FBLN1: variants seen among roughly 807,000 people sequenced by gnomAD.
FBLN1 encodes fibulin 1.
Under a neutral mutation model 89.7 loss-of-function variants are expected in FBLN1, and 34 were observed. The observed-to-expected ratio is 0.38, with a 90% confidence interval of 0.29 to 0.50. FBLN1 has a LOEUF of 0.50. FBLN1 is among the 20% of genes least tolerant of loss of function. The pLI is 0.92. For synonymous variants in FBLN1, 393 were observed against 391.3 expected, an observed-to-expected ratio of 1.00 and a Z score of -0.05; for missense variants, 777 against 988.1, an observed-to-expected ratio of 0.79 and a Z score of 2.86.
chr22:45,544,902 G>T (rs1431470867), intron 11 of FBLN1, among the ~76,000 whole-genome samples: 2 of 152,176 alleles, frequency 1.3e-5, no homozygotes, highest in African/African-American at 4.8e-5. Context: ...CTTGTATACG[G>T]ATTAGGTTCT....
chr22:45,541,204 T>C lies in FBLN1; in HGVS notation c.923-25T>C, dbSNP rs755931551. ...GGGACACCCTCCAGGTTTAACCACA[T>C]GGTCTCTGTCTTTTCCCGCTGTAGA... On this transcript the variant is annotated intron_variant, in intron 8 of 16. Coordinates refer to ENST00000327858, the MANE Select transcript of FBLN1 (RefSeq NM_006486.3). 2.5e-6 allele frequency: 4 copies of C among 1,614,078 alleles called. No individual in the cohort carries two copies. The African/African-American group carries it at 4.0e-5, about 16-fold the overall frequency.
chr22:45,507,985 A>T (rs1028499698), intron 1 of FBLN1, among the ~76,000 whole-genome samples: 1 of 152,192 alleles, frequency 6.6e-6, no homozygotes, highest in Non-Finnish European at 1.5e-5. Context: ...TGATAGGTTG[A>T]GGATGGAAAT....
In FBLN1 at chr22:45,533,070, G is replaced by A. The variant is rs200146070; in HGVS notation, c.552G>A (p.Gly184=). Reference sequence around the variant, plus strand: ...TGCACGCTGTGCTTCCAGGAGGCGGGCCCTGCAAGCAGCAGTGCCGAGACA... The same window carrying A: ...TGCACGCTGTGCTTCCAGGAGGCGGACCCTGCAAGCAGCAGTGCCGAGACA... ...PYLNDRCRGG[G]PCKQQCRDTG... Residue 184 remains glycine, a synonymous_variant, in exon 6 of 17, where the codon GGG becomes GGA. Coordinates refer to ENST00000327858, the MANE Select transcript of FBLN1 (RefSeq NM_006486.3). 1.7e-5 allele frequency: 28 copies of A among 1,614,044 alleles called. No individual in the cohort carries two copies.
In FBLN1 at chr22:45,503,076, C is replaced by T. The variant is rs1360673146; in HGVS notation, c.79+12C>T. On this transcript the variant is annotated intron_variant, in intron 1 of 16. Transcript: ENST00000327858. ...GCTGGCGGCCGGAGGTAGGGGCGTC[C>T]CGGGTCCGCCGCCCCAGCTTAGGGT... The T allele has an allele frequency of 4.9e-6, 6 of 1,233,504 alleles. No individual in the cohort carries two copies. Among genetic ancestry groups the T allele is most frequent in the Non-Finnish European group, 6.1e-6 (6 of 988,038 alleles). 76.4% of individuals were successfully genotyped at this position (1,233,504 alleles called of 1,614,324 possible).
At chr22:45,591,737 CCG>C (rs1163473906) in intron 16 of FBLN1, among the ~76,000 whole-genome samples, 1 of 152,078 alleles carries the variant, frequency 6.6e-6, no homozygotes, top group African/African-American at 2.4e-5. Context: ...GCTGTTTTTG[CCG>C]TGTGTTTATG....
At chr22:45,594,641 G>A (rs1379387103) in intron 16 of FBLN1, among the ~76,000 whole-genome samples, 1 of 152,062 alleles carries the variant, frequency 6.6e-6, no homozygotes, top group African/African-American at 2.4e-5. Context: ...TTGATTGGTG[G>A]GTGAATGGAT....
chr22:45,560,161 A>G (rs901487133), intron 14 of FBLN1, among the ~76,000 whole-genome samples: 1 of 152,182 alleles, frequency 6.6e-6, no homozygotes, highest in Non-Finnish European at 1.5e-5. Flanking sequence ...TCCATTACAG[A>G]AGCTACACCC....
At chr22:45,554,990 G>A (rs114839654) in intron 14 of FBLN1, among the ~76,000 whole-genome samples, 1,756 of 148,830 alleles carry the variant, frequency 0.012, 28 homozygotes, top group South Asian at 0.041. Flanking sequence ...ACCCGTCCCC[G>A]TCTCCACCAC....
intron 3 of FBLN1, 93 bp from the exon 4 acceptor site, chr22:45,527,754 G>A (rs2088348618): frequency 1.5e-6 from 2 of 1,315,532 alleles, no homozygotes; most frequent in Non-Finnish European, 2.2e-6. Context: ...TGTGTGGACA[G>A]GGGGCTCAGA....
intron 16 of FBLN1, among the ~76,000 whole-genome samples, chr22:45,585,187 G>A (rs2146656256): frequency 6.6e-6 from 1 of 152,318 alleles, no homozygotes; most frequent in South Asian, 2.1e-4. Context: ...AATCTAGGCA[G>A]CACCATCCAC....
rs1255752183 is a variant in FBLN1, at chr22:45,556,879, A to G, written c.1697+6264A>G. On this transcript the variant is annotated intron_variant, in intron 14 of 16. Coordinates refer to ENST00000327858, the MANE Select transcript of FBLN1 (RefSeq NM_006486.3). The surrounding 1 kb of genome is among the most constrained non-coding windows in gnomAD (Gnocchi z 4.6). ...CAGGAAGCAAAAATTTTGCTAGTGG[A>G]TCACTAGGGGTGATGGTGAGTGGTG... 6.6e-6 allele frequency among the ~76,000 whole-genome samples: 1 copy of G among 152,152 alleles called. No homozygotes were observed. Among genetic ancestry groups the G allele is most frequent in the Non-Finnish European group, 1.5e-5 (1 of 68,016 alleles).
chr22:45,550,601 C>T lies in FBLN1; in HGVS notation c.1683C>T (p.Arg561=). Residue 561 remains arginine, a synonymous_variant, in exon 14 of 17, where the codon CGC becomes CGT. Transcript: ENST00000327858. This position sits in a 1 kb window ranked among gnomAD's most constrained non-coding sequence, Gnocchi z 8.4. ...CCTTCGAGTGCCCTGAGAACTACCG[C>T]CGCTCCGCAGCCACGTAAGTCCCTT... ...CLAFECPENY[R]RSAATLQQEK... 1 of 1,614,106 alleles carries T rather than the reference C, an allele frequency of 6.2e-7. No homozygotes were observed. Among genetic ancestry groups the T allele is most frequent in the Non-Finnish European group, 8.5e-7 (1 of 1,180,050 alleles).
rs950896387 is a variant in FBLN1 at position 45,549,618 on chromosome 22, C to G, written c.1573+874C>G. 7.9e-5 allele frequency among the ~76,000 whole-genome samples: 12 copies of G among 152,316 alleles called. No individual in the cohort carries two copies. Among genetic ancestry groups the G allele is most frequent in the Middle Eastern group, 3.4e-3 (1 of 294 alleles). ...GGCTCCCTCACCACAGCCTGGGGTC[C>G]CGCCCAGACTCAGCATAAACACATT... is the stretch of plus-strand genomic sequence containing the variant. On this transcript the variant is annotated intron_variant, in intron 13 of 16. Coordinates refer to ENST00000327858, the MANE Select transcript of FBLN1 (RefSeq NM_006486.3). This position sits in a 1 kb window ranked among gnomAD's most constrained non-coding sequence, Gnocchi z 5.7.
At position 45,518,803 on chromosome 22, in the gene FBLN1, G is replaced by A. The variant is rs772352539; in HGVS notation, c.185+16G>A. ...AAGAATGCAGGTACGTTTGCCAGTGGCCACTGTTTCACTGGAACAATGTTC... is the reference window on the plus strand; with the variant it reads ...AAGAATGCAGGTACGTTTGCCAGTGACCACTGTTTCACTGGAACAATGTTC... On this transcript the variant is annotated intron_variant, in intron 2 of 16. Coordinates refer to ENST00000327858, the MANE Select transcript of FBLN1 (RefSeq NM_006486.3). The A allele has an allele frequency of 1.3e-6, 2 of 1,582,264 alleles. No homozygotes were observed. The highest frequency in any genetic ancestry group is 4.6e-5 in the East Asian group (2 of 43,826).
At position 45,580,774 on chromosome 22, in the gene FBLN1, C is replaced by G; in HGVS notation, c.1972+3666C>G. ...GGCCCCGGGGCTCGCCGTGTTCAGTCCTCCCAGAGTAACAGAAGAAGAGGG... is the reference window on the plus strand; with the variant it reads ...GGCCCCGGGGCTCGCCGTGTTCAGTGCTCCCAGAGTAACAGAAGAAGAGGG... On this transcript the variant is annotated intron_variant, in intron 16 of 16. Transcript: ENST00000327858. This position sits in a 1 kb window ranked among gnomAD's most constrained non-coding sequence, Gnocchi z 8.6. 6.6e-6 allele frequency among the ~76,000 whole-genome samples: 1 copy of G among 152,068 alleles called. No homozygotes were observed. The highest frequency in any genetic ancestry group is 1.5e-5 in the Non-Finnish European group (1 of 68,002).
At position 45,576,422 on chromosome 22, in the gene FBLN1, ACCTTACAGGTGAGGAAACT is replaced by A. The variant is rs1453619197; in HGVS notation, c.1841-554_1841-536del. 6.6e-6 allele frequency among the ~76,000 whole-genome samples: 1 copy of A among 151,440 alleles called. No homozygotes were observed. Among genetic ancestry groups the A allele is most frequent in the Non-Finnish European group, 1.5e-5 (1 of 67,826 alleles). ...TGGGTCTCCGCCGGCTTCCTTCCTC[ACCTTACAGGTGAGGAAACT>A]GAGGCCCACAGAGAGGACTCCCCCA... On this transcript the variant is annotated intron_variant, in intron 15 of 16. Transcript: ENST00000327858. This position sits in a 1 kb window ranked among gnomAD's most constrained non-coding sequence, Gnocchi z 5.2.
intron 1 of FBLN1, among the ~76,000 whole-genome samples, chr22:45,510,904 A>G (rs2088090905): frequency 6.6e-6 from 1 of 152,188 alleles, no homozygotes; most frequent in Non-Finnish European, 1.5e-5. Context: ...GAACTGAGCC[A>G]GCTCCATCCA....
At chr22:45,553,820 ACACCTCCCATTG>A (rs1322644735) in intron 14 of FBLN1, among the ~76,000 whole-genome samples, 1 of 152,082 alleles carries the variant, frequency 6.6e-6, no homozygotes, top group African/African-American at 2.4e-5. Context: ...AACACCACGC[ACACCTCCCATTG>A]CTTTCCTCCG....
rs1269496159 is a variant in FBLN1, at chr22:45,555,081, TCCCCGTCTCCACCGCAGGAGGTTGG to T, written c.1697+4467_1697+4491del. Among the ~76,000 whole-genome samples the T allele has an allele frequency of 3.4e-5, 5 of 146,924 alleles. No homozygotes were observed. The South Asian group carries it at 6.5e-4, about 19-fold the overall frequency. On this transcript the variant is annotated intron_variant, in intron 14 of 16. Transcript: ENST00000327858. ...CTCCACCGCAGGAGGTTAGGACCCG[TCCCCGTCTCCACCGCAGGAGGTTGG>T]GACCCGTCCCCGTCTCCACCCCAGG...
Sources: gnomAD v4.1 joint callset for allele counts (sites outside exome capture counted in the v4.1 genomes callset) on GRCh38, gnomAD v4.1.1 for gene constraint, Gnocchi (gnomAD v3.1) non-coding constraint, MANE v1.5 for transcripts, NCBI Gene and HGNC (gene_info 2026-07-23, HGNC 2026-07-21) for gene names.